AGMO: variants seen among roughly 807,000 people sequenced by gnomAD.
AGMO encodes the protein glyceryl-ether monooxygenase.
In AGMO, 75 loss-of-function variants were observed where a neutral mutation model predicts 60.2. That is an observed-to-expected ratio of 1.25 (90% CI 1.03 to 1.51). The LOEUF (loss-of-function observed/expected upper bound fraction) is 1.51, where lower values mean the gene tolerates loss of function less well. AGMO is among the 40% of genes most tolerant of loss of function. The pLI is 0.00. For synonymous variants in AGMO, 261 were observed against 177.1 expected, an observed-to-expected ratio of 1.47 and a Z score of -3.76; for missense variants, 763 against 525.5, an observed-to-expected ratio of 1.45 and a Z score of -4.42.
intron 3 of AGMO, among the ~76,000 whole-genome samples, chr7:15,436,590 G>A (rs1317125104): frequency 6.6e-6 from 1 of 152,058 alleles, no homozygotes; most frequent in Non-Finnish European, 1.5e-5. Context: ...ACAGCGAGCT[G>A]CATGAGTCTA....
intron 12 of AGMO, among the ~76,000 whole-genome samples, chr7:15,322,968 T>C (rs560746879): frequency 3.5e-5 from 2 of 57,720 alleles, no homozygotes; most frequent in East Asian, 4.4e-4. Flanking sequence ...CACGTGTGTG[T>C]ATATATATAT....
At chr7:15,340,856 A>T (rs539069476) in intron 12 of AGMO, among the ~76,000 whole-genome samples, 1 of 152,150 alleles carries the variant, frequency 6.6e-6, no homozygotes, top group African/African-American at 2.4e-5. Flanking sequence ...GGCACTGCCT[A>T]GTGGAGCTGT....
Position 15,394,252 on chromosome 7 carries a change from T to A in AGMO, c.610-73A>T. On this transcript the variant is annotated intron_variant, in intron 5 of 12. Transcript: ENST00000342526. ...TGTGTTAGTATATAAATGCTCACATTAGAAACTCACATAAATTAAGAGATA... is the reference window on the plus strand; with the variant it reads ...TGTGTTAGTATATAAATGCTCACATAAGAAACTCACATAAATTAAGAGATA... 3.6e-6 allele frequency: 4 copies of A among 1,121,672 alleles called. No individual in the cohort carries two copies. In the South Asian group the frequency reaches 5.3e-5, roughly 15 times the overall value. 69.5% of individuals were successfully genotyped at this position (1,121,672 alleles called of 1,614,324 possible).
chr7:15,471,573 A>C (rs1782450902), intron 3 of AGMO, among the ~76,000 whole-genome samples: 1 of 151,896 alleles, frequency 6.6e-6, no homozygotes, highest in Non-Finnish European at 1.5e-5. Flanking sequence ...ACTATAAATG[A>C]GGATTACCTT....
At chr7:15,372,053 C>T (rs1331214008) in intron 10 of AGMO, among the ~76,000 whole-genome samples, 1 of 151,944 alleles carries the variant, frequency 6.6e-6, no homozygotes, top group African/African-American at 2.4e-5. Flanking sequence ...CAACATAGAA[C>T]ACATATGCTT....
At chr7:15,309,241 G>C (rs1359268215) in intron 12 of AGMO, among the ~76,000 whole-genome samples, 1 of 152,138 alleles carries the variant, frequency 6.6e-6, no homozygotes, top group Non-Finnish European at 1.5e-5. Context: ...TATCCTTACT[G>C]AGCAGTTTTA....
chr7:15,455,601 G>T (rs1781981038), intron 3 of AGMO, among the ~76,000 whole-genome samples: 1 of 151,990 alleles, frequency 6.6e-6, no homozygotes, highest in South Asian at 2.1e-4. Context: ...TCCACAGAAG[G>T]GAAAATATGA....
At chr7:15,351,687 T>C (rs967879852) in intron 12 of AGMO, among the ~76,000 whole-genome samples, 2 of 152,218 alleles carry the variant, frequency 1.3e-5, no homozygotes, top group Non-Finnish European at 2.9e-5. Context: ...GTTCATGCAA[T>C]AGCAGCTACT....
intron 3 of AGMO, among the ~76,000 whole-genome samples, chr7:15,526,126 C>G (rs190183681): frequency 3.9e-5 from 6 of 152,270 alleles, no homozygotes; most frequent in African/African-American, 1.2e-4. Flanking sequence ...CCAGGCACTG[C>G]CCGGCGGGCT....
intron 12 of AGMO, among the ~76,000 whole-genome samples, chr7:15,251,248 T>G (rs1262131235): frequency 6.6e-6 from 1 of 152,118 alleles, no homozygotes; most frequent in African/African-American, 2.4e-5. Context: ...ATGACCAATA[T>G]GAGCCAATTA....
chr7:15,198,262 ACAGAGAGAGAGT>A, downstream of AGMO, among the ~76,000 whole-genome samples: 4 of 99,254 alleles, frequency 4.0e-5, no homozygotes, highest in African/African-American at 9.2e-5. Flanking sequence ...AGAGACAGAG[ACAGAGAGAGAGT>A]GTGTTAAAGT....
intron 12 of AGMO, among the ~76,000 whole-genome samples, chr7:15,299,887 A>ACT (rs1170360550): frequency 5.6e-4 from 55 of 97,370 alleles, no homozygotes; most frequent in African/African-American, 2.0e-3. Flanking sequence ...ACACACACAC[A>ACT]GTATGTTTTG....
the AGMO span, among the ~76,000 whole-genome samples, chr7:15,127,015 T>A: frequency 6.6e-6 from 1 of 152,136 alleles, no homozygotes; most frequent in South Asian, 2.1e-4. Flanking sequence ...CAGCTAATTG[T>A]CAACCAGAAA....
intron 12 of AGMO, among the ~76,000 whole-genome samples, chr7:15,202,465 A>ACAAAAAAAAAC (rs1179014863): frequency 6.6e-5 from 5 of 76,060 alleles, no homozygotes; most frequent in Admixed American, 2.7e-4. Context: ...GAGCAAAAAA[A>ACAAAAAAAAAC]AAAAAAAAAA....
At chr7:15,538,626 A>T (rs1036604272) in intron 3 of AGMO, among the ~76,000 whole-genome samples, 6 of 152,198 alleles carry the variant, frequency 3.9e-5, no homozygotes, top group Non-Finnish European at 7.3e-5. Flanking sequence ...TCAAAAAAGA[A>T]ACACAAGTAC....
chr7:15,248,183 T>TATATATAC (rs1393276691), intron 12 of AGMO, among the ~76,000 whole-genome samples: 1,280 of 36,366 alleles, frequency 0.035, 54 homozygotes, highest in African/African-American at 0.063. Context: ...CAGCACCATA[T>TATATATAC]ATATATATAT....
intron 12 of AGMO, among the ~76,000 whole-genome samples, chr7:15,266,412 A>G (rs566572535): frequency 2.0e-5 from 3 of 152,046 alleles, no homozygotes; most frequent in Admixed American, 1.3e-4. Context: ...AAAAAAAAGT[A>G]ATTTTAACAA....
chr7:15,255,186 C>T (rs1395195307), intron 12 of AGMO, among the ~76,000 whole-genome samples: 1 of 151,968 alleles, frequency 6.6e-6, no homozygotes, highest in Non-Finnish European at 1.5e-5. Flanking sequence ...GGGAGGGGAA[C>T]ATCACACATT....
the AGMO span, among the ~76,000 whole-genome samples, chr7:15,138,782 C>A: frequency 6.6e-6 from 1 of 151,998 alleles, no homozygotes; most frequent in Admixed American, 6.6e-5. Context: ...GCCCATGGAG[C>A]CTTTACATAA....
Sources: gnomAD v4.1 joint callset for allele counts (sites outside exome capture counted in the v4.1 genomes callset) on GRCh38, gnomAD v4.1.1 for gene constraint, MANE v1.5 for transcripts, NCBI Gene and HGNC (gene_info 2026-07-23, HGNC 2026-07-21) for gene names.